TIMM17B: variants seen among roughly 807,000 people sequenced by gnomAD.
The protein encoded by TIMM17B is mitochondrial import inner membrane translocase subunit Tim17-B.
In TIMM17B, 10 loss-of-function variants were observed where a neutral mutation model predicts 15.9. That is an observed-to-expected ratio of 0.63 (90% CI 0.39 to 1.06). TIMM17B has a LOEUF of 1.06. Ranked by LOEUF, TIMM17B falls within the 50% of genes least tolerant of loss-of-function variation. The pLI is 0.01. For missense variants in TIMM17B, 114 were observed against 152.2 expected (o/e 0.75, Z 1.32); for synonymous variants, 57 against 57.2 (o/e 1.00, Z 0.02).
At chrX:48,896,597 A>G in intron 3 of TIMM17B, 162 bp downstream of exon 2, 1 of 1,052,800 alleles carries the variant, frequency 9.5e-7, no homozygotes, top group South Asian at 2.5e-5. Context: ...TGCAATCCCT[A>G]CAAAATCCCA....
rs782390303 is a variant in TIMM17B at position 48,893,882 on chromosome X, C to T, written c.430+18G>A. The T allele has an allele frequency of 6.7e-6, 8 of 1,197,260 alleles. No individual in the cohort carries two copies. Among genetic ancestry groups the T allele is most frequent in the South Asian group, 3.6e-5 (2 of 55,801 alleles). ...CCAGGTGGAGTATTTCCCACTCCCC[C>T]GACCACCAGTTACTCACCATTTCGG... On this transcript the variant is annotated intron_variant, in intron 6 of 6. Coordinates refer to ENST00000376582, the Ensembl canonical transcript of TIMM17B.
At chrX:48,898,093 G>T in exon 1 of TIMM17B, 1 of 1,026,085 alleles carries the variant, frequency 9.7e-7, no homozygotes, top group Non-Finnish European at 1.2e-6. Flanking sequence ...GTAACGTTGG[G>T]GTGGGTGCAC....
At chrX:48,894,255 C>A in intron 4 of TIMM17B, 30 bp from the exon 4 acceptor site, 1 of 1,198,158 alleles carries the variant, frequency 8.3e-7, no homozygotes, top group South Asian at 1.8e-5. Flanking sequence ...TAATTAGTTC[C>A]TGGGAAATCC....
chrX:48,896,538 G>A, intron 3 of TIMM17B: 2 of 694,735 alleles, frequency 2.9e-6, no homozygotes, highest in South Asian at 7.0e-5. Flanking sequence ...CATTTCCACA[G>A]AGGAGCTCCA....
chrX:48,897,486 G>T, intron 2 of TIMM17B: 1 of 434,160 alleles, frequency 2.3e-6, no homozygotes, highest in Non-Finnish European at 4.0e-6. Context: ...AACAGGGCTA[G>T]GAGATTACGA....
chrX:48,893,767 G>A (rs782038896), exon 7 of TIMM17B: 106 of 1,165,862 alleles, frequency 9.1e-5, no homozygotes, highest in Admixed American at 4.0e-4. Context: ...CCTGGGGCCG[G>A]GGTGCCATCC....
intron 1 of TIMM17B, 155 bp from the exon 1 acceptor site, chrX:48,897,923 C>T (rs2063332351): frequency 4.5e-6 from 4 of 882,456 alleles, no homozygotes; most frequent in Non-Finnish European, 6.2e-6. Flanking sequence ...GCCTCCTGAG[C>T]GTAGTCCAGT....
intron 3 of TIMM17B, chrX:48,895,716 C>G: frequency 3.1e-6 from 1 of 326,936 alleles, no homozygotes; most frequent in South Asian, 1.1e-4. Context: ...ATGGCATTTG[C>G]GATCTTCTGG....
At chrX:48,894,211 A>C in exon 5 of TIMM17B, 1 of 1,208,929 alleles carries the variant, frequency 8.3e-7, no homozygotes, top group Non-Finnish European at 1.1e-6. Flanking sequence ...AGGCCCCCCC[A>C]CACTGCGAAG....
chrX:48,898,003 G>C (rs2063334161), intron 1 of TIMM17B: 1 of 974,309 alleles, frequency 1.0e-6, no homozygotes, highest in Non-Finnish European at 1.3e-6. Context: ...GAAGAGAGTC[G>C]TGTGGGCCCA....
chrX:48,893,797 G>A (rs1372523283), exon 7 of TIMM17B: 3 of 1,178,067 alleles, frequency 2.5e-6, no homozygotes, highest in Non-Finnish European at 3.4e-6. Flanking sequence ...AGCTGGCTGG[G>A]GTCCTCCAGG....
chrX:48,895,530 G>C, intron 3 of TIMM17B: 1 of 512,363 alleles, frequency 2.0e-6, no homozygotes. Context: ...GAAGAAATAT[G>C]ACTGGGGCTG....
intron 3 of TIMM17B, 32 bp downstream of exon 2, chrX:48,896,727 C>A (rs782678752): frequency 2.5e-6 from 3 of 1,209,713 alleles, no homozygotes; most frequent in Non-Finnish European, 3.4e-6. Context: ...GATAGCTAAC[C>A]CCACACCAAC....
At position 48,894,017 on chromosome X, in the gene TIMM17B, G is replaced by C; in HGVS notation, c.320-7C>G. On this transcript the variant is annotated splice_region_variant and splice_polypyrimidine_tract_variant and intron_variant, in intron 5 of 6. Transcript: ENST00000376582. ...ACCATGGCCAGTGGGCCACCTGGGG[G>C]AGTTGGAGGCAGAGAAACAGAGGTG... is the stretch of plus-strand genomic sequence containing the variant. 8.3e-7 allele frequency: 1 copy of C among 1,201,942 alleles called. No homozygotes were observed. Among genetic ancestry groups the C allele is most frequent in the East Asian group, 3.0e-5 (1 of 33,492 alleles).
intron 2 of TIMM17B, 57 bp from the exon 2 acceptor site, chrX:48,896,915 CACGA>C: frequency 8.3e-7 from 1 of 1,197,686 alleles, no homozygotes; most frequent in Non-Finnish European, 1.1e-6. Context: ...GGTCCTGTCA[CACGA>C]ACTCTTTTCT....
At chrX:48,897,870 A>G (rs1323304426) in intron 1 of TIMM17B, 102 bp from the exon 1 acceptor site, 7 of 1,035,212 alleles carry the variant, frequency 6.8e-6, no homozygotes, top group Middle Eastern at 2.5e-4. Flanking sequence ...CACGCCAAGG[A>G]CGCACTCTCA....
intron 1 of TIMM17B, 127 bp from the exon 1 acceptor site, chrX:48,897,895 T>C (rs2063331633): frequency 1.0e-6 from 1 of 968,909 alleles, no homozygotes. Flanking sequence ...CCAATCGAGT[T>C]TCTGCCATTT....
chrX:48,893,663 C>T, exon 7 of TIMM17B: 1 of 931,158 alleles, frequency 1.1e-6, no homozygotes. Flanking sequence ...GGGAGCCAGC[C>T]CTCCCTTCGA....
intron 4 of TIMM17B, 44 bp from the exon 4 acceptor site, chrX:48,894,269 G>T (rs1557039172): frequency 8.4e-7 from 1 of 1,189,743 alleles, no homozygotes; most frequent in South Asian, 1.8e-5. Flanking sequence ...GAAATCCTGA[G>T]AATTCACATC....
Sources: allele counts gnomAD v4.1 joint callset, GRCh38; gene constraint gnomAD v4.1.1; transcripts MANE v1.5; gene names NCBI Gene and HGNC (gene_info 2026-07-23, HGNC 2026-07-21).